Variants in PCDHGA2 observed in about 807,000 individuals in gnomAD.
PCDHGA2 encodes protocadherin gamma subfamily A, 2.
Under a neutral mutation model 59.2 loss-of-function variants are expected in PCDHGA2, and 40 were observed. The ratio of observed to expected loss-of-function variants is 0.68; its 90% CI spans 0.52 to 0.88. The LOEUF is 0.88. Ranked by LOEUF, PCDHGA2 falls within the 40% of genes least tolerant of loss-of-function variation. The pLI, the probability that PCDHGA2 is intolerant of heterozygous loss-of-function variation, is 0.00. For synonymous variants in PCDHGA2, 560 were observed against 526.0 expected (o/e 1.06, Z -0.89); for missense variants, 1,226 against 1,204.0 (o/e 1.02, Z -0.27).
intron 1 of PCDHGA2, among the ~76,000 whole-genome samples, chr5:141,484,764 A>G (rs1469048336): frequency 6.6e-6 from 1 of 151,806 alleles, no homozygotes; most frequent in African/African-American, 2.4e-5. Flanking sequence ...ATATATATAT[A>G]TGTTGTCTGC....
intron 1 of PCDHGA2, chr5:141,421,294 A>G (rs779984795): frequency 1.9e-6 from 3 of 1,613,304 alleles, no homozygotes; most frequent in Non-Finnish European, 2.5e-6. Context: ...TTTCCTGGGG[A>G]CGCTGCGGGG....
At position 141,409,990 on chromosome 5, in the gene PCDHGA2, C is replaced by G. The variant is rs377295503; in HGVS notation, c.2424+68595C>G. On this transcript the variant is annotated intron_variant, in intron 1 of 3. Transcript: ENST00000394576. The stretch of plus-strand genomic sequence containing the variant: ...TGACTAAGGTGGTAGCGGTGGACGC[C>G]GACTCGGGACACAACGCCTGGCTGT... 2.7e-5 allele frequency: 44 copies of G among 1,613,278 alleles called. No homozygotes were observed. The African/African-American group carries it at 5.3e-4, about 20-fold the overall frequency.
intron 1 of PCDHGA2, among the ~76,000 whole-genome samples, chr5:141,436,713 G>C (rs2097842329): frequency 6.6e-6 from 1 of 152,308 alleles, no homozygotes; most frequent in East Asian, 1.9e-4. Flanking sequence ...TCGATGTTCT[G>C]TTGGGAAAAA....
intron 1 of PCDHGA2, among the ~76,000 whole-genome samples, chr5:141,381,826 CTTTTTTTTTTTTTT>C (rs770630741): frequency 1.3e-5 from 1 of 74,284 alleles, no homozygotes; most frequent in Non-Finnish European, 2.4e-5. Context: ...CTTTCTTCTT[CTTTTTTTTTTTTTT>C]TTTTTTTTGG....
intron 1 of PCDHGA2, chr5:141,478,809 C>G: frequency 6.9e-7 from 1 of 1,453,454 alleles, no homozygotes; most frequent in Non-Finnish European, 9.0e-7. Flanking sequence ...CTTTTGCTAT[C>G]ACAACTAACC....
At chr5:141,413,979 C>T in intron 1 of PCDHGA2, 1 of 1,613,394 alleles carries the variant, frequency 6.2e-7, no homozygotes, top group Non-Finnish European at 8.5e-7. Flanking sequence ...TGCTGACAGT[C>T]ACAGCCACCG....
At chr5:141,386,808 A>C (rs1477071186) in intron 1 of PCDHGA2, among the ~76,000 whole-genome samples, 1 of 152,258 alleles carries the variant, frequency 6.6e-6, no homozygotes, top group Non-Finnish European at 1.5e-5. Flanking sequence ...TATTAGATGC[A>C]TAAAATTGTT....
chr5:141,469,762 A>G (rs547099941), intron 1 of PCDHGA2, among the ~76,000 whole-genome samples: 15 of 152,360 alleles, frequency 9.8e-5, no homozygotes, highest in African/African-American at 3.4e-4. Flanking sequence ...ATACATATAT[A>G]CCAGCTTATT....
intron 1 of PCDHGA2, chr5:141,410,291 G>A: frequency 1.2e-6 from 2 of 1,613,948 alleles, no homozygotes; most frequent in Non-Finnish European, 1.7e-6. Flanking sequence ...GGTGGCCTTG[G>A]CCTTAATCTC....
chr5:141,343,254 T>C, intron 1 of PCDHGA2: 1 of 937,438 alleles, frequency 1.1e-6, no homozygotes, highest in Non-Finnish European at 1.3e-6. Context: ...CGAAACTAAG[T>C]TATCAGGTCA....
chr5:141,384,666 C>CA, intron 1 of PCDHGA2: 2 of 1,614,220 alleles, frequency 1.2e-6, no homozygotes, highest in Non-Finnish European at 1.7e-6. Flanking sequence ...ACCTGGTGAC[C>CA]AAGGTGGTGG....
intron 1 of PCDHGA2, chr5:141,414,476 C>G (rs1242647918): frequency 6.2e-7 from 1 of 1,613,920 alleles, no homozygotes; most frequent in Non-Finnish European, 8.5e-7. Context: ...GGGGGAAGTC[C>G]TCCTCTATCA....
Position 141,489,826 on chromosome 5 carries a change from C to G in PCDHGA2, c.2425-4981C>G. On this transcript the variant is annotated intron_variant, in intron 1 of 3. Transcript: ENST00000394576. This position sits in a 1 kb window ranked among gnomAD's most constrained non-coding sequence, Gnocchi z 4.5. The stretch of plus-strand genomic sequence containing the variant: ...TGGGAAGCCATTCCCAGAGCTGGTG[C>G]TAGAGCAGCAGCTGGATCGTGAAGC... 1 of 1,614,186 alleles carries G rather than the reference C, an allele frequency of 6.2e-7. No homozygotes were observed. The highest frequency in any genetic ancestry group is 8.5e-7 in the Non-Finnish European group (1 of 1,179,988).
chr5:141,415,760 T>G (rs779762678), intron 1 of PCDHGA2: 355 of 1,388,296 alleles, frequency 2.6e-4, no homozygotes, highest in East Asian at 7.0e-4. Flanking sequence ...TTTTTTTTTT[T>G]TTTTTTTTTT....
At position 141,432,325 on chromosome 5, in the gene PCDHGA2, C is replaced by T. The variant is rs752180978; in HGVS notation, c.2425-62482C>T. ...TGTATGCGCTGAGCTCCTTCGACTACGAGCAGTTCCGAGACTTGCAAGTGA... is the reference window on the plus strand; with the variant it reads ...TGTATGCGCTGAGCTCCTTCGACTATGAGCAGTTCCGAGACTTGCAAGTGA... On this transcript the variant is annotated intron_variant, in intron 1 of 3. Coordinates refer to ENST00000394576, the MANE Select transcript of PCDHGA2 (RefSeq NM_018915.4). The surrounding 1 kb of genome is among the most constrained non-coding windows in gnomAD (Gnocchi z 6.0). 68 of 1,614,142 alleles carry T rather than the reference C, an allele frequency of 4.2e-5. No individual in the cohort carries two copies. Among genetic ancestry groups the T allele is most frequent in the Non-Finnish European group, 5.2e-5 (61 of 1,180,050 alleles).
intron 1 of PCDHGA2, among the ~76,000 whole-genome samples, chr5:141,429,564 C>A (rs995466828): frequency 2.0e-5 from 3 of 152,092 alleles, no homozygotes; most frequent in African/African-American, 7.2e-5. Flanking sequence ...TGATAATATT[C>A]AGTTACATTT....
intron 1 of PCDHGA2, chr5:141,417,834 G>A (rs1382990900): frequency 2.0e-6 from 3 of 1,530,144 alleles, no homozygotes; most frequent in Middle Eastern, 3.5e-4. Context: ...GGAAAAGCGG[G>A]GACCCAGCGA....
intron 1 of PCDHGA2, chr5:141,356,959 C>T: frequency 6.2e-7 from 1 of 1,614,236 alleles, no homozygotes; most frequent in Non-Finnish European, 8.5e-7. Flanking sequence ...TTCCGGCTAC[C>T]TGGTGACCAA....
chr5:141,365,093 A>G (rs528661266), intron 1 of PCDHGA2: 1 of 1,613,880 alleles, frequency 6.2e-7, no homozygotes, highest in African/African-American at 1.3e-5. Context: ...TCCAGAGAAC[A>G]TACCTGTGGG....
Sources: allele counts gnomAD v4.1 joint callset (sites outside exome capture counted in the v4.1 genomes callset), GRCh38; gene constraint gnomAD v4.1.1; non-coding constraint Gnocchi (gnomAD v3.1); transcripts MANE v1.5; gene names NCBI Gene and HGNC (gene_info 2026-07-23, HGNC 2026-07-21).